Variants in MYCBP2 observed in about 807,000 individuals in gnomAD.
MYCBP2 encodes the protein MYC binding protein 2.
Under a neutral mutation model 525.3 loss-of-function variants are expected in MYCBP2, and 120 were observed. The observed-to-expected ratio is 0.23, with a 90% CI of 0.20 to 0.27. The LOEUF is 0.27. MYCBP2 is among the 10% of genes least tolerant of loss of function. The probability of loss-of-function intolerance (pLI) is 1.00; values close to 1 mark genes in which losing one functional copy is unlikely to be tolerated. For missense variants in MYCBP2, 4,149 were observed against 5,657.1 expected (o/e 0.73, Z 8.55); for synonymous variants, 1,894 against 1,955.8 (o/e 0.97, Z 0.83).
In MYCBP2 at chr13:77,270,397, C is replaced by T; in HGVS notation, c.1087G>A (p.Glu363Lys). The change falls in exon 6 of 83, where the codon GAA (glutamate) becomes AAA (lysine). Residue 363 changes from glutamate (E) to lysine (K), a missense_variant. Coordinates refer to ENST00000544440, the MANE Select transcript of MYCBP2 (RefSeq NM_015057.5). ...KWPLKEISVD[E>K]DDQCLLQNDG... The stretch of plus-strand genomic sequence containing the variant: ...TTCTGAAGTAGACATTGGTCATCTT[C>T]ATCAACAGATATTTCTTTTAATGGC... 1 of 1,613,758 alleles carries T rather than the reference C, an allele frequency of 6.2e-7. No individual in the cohort carries two copies. The highest frequency in any genetic ancestry group is 1.7e-4 in the Middle Eastern group (1 of 6,056).
chr13:77,097,826 A>T lies in MYCBP2; in HGVS notation c.9328T>A (p.Ser3110Thr), dbSNP rs2046479340. 3 of 1,613,714 alleles carry T rather than the reference A, an allele frequency of 1.9e-6. No individual in the cohort carries two copies. Among genetic ancestry groups the T allele is most frequent in the Non-Finnish European group, 2.5e-6 (3 of 1,179,830 alleles). ...FNIAPHGPDI[S>T]KMGSINKNKV... ...TTTTTGTTGATGCTACCCATCTTAGATATATCTGGTCCATGGGGTGCAATA... is the reference window on the plus strand; with the variant it reads ...TTTTTGTTGATGCTACCCATCTTAGTTATATCTGGTCCATGGGGTGCAATA... Residue 3110 changes from serine (S) to threonine (T), a missense_variant, in exon 56 of 83, where the codon TCT becomes ACT. Physicochemically the swap from Ser to Thr is moderately conservative, Grantham distance 58. Transcript: ENST00000544440.
At position 77,313,609 on chromosome 13, in the gene MYCBP2, A is replaced by C. The variant is rs1266180868; in HGVS notation, c.302+12865T>G. On this transcript the variant is annotated intron_variant, in intron 1 of 82. Coordinates refer to ENST00000544440, the MANE Select transcript of MYCBP2 (RefSeq NM_015057.5). ...GTACAATCCATTAAAGAAATAATTA[A>C]TAAGCTGAATACTAAAATTAAAAAC... Among the ~76,000 whole-genome samples, 3 of 152,122 alleles carry C rather than the reference A, an allele frequency of 2.0e-5. No homozygotes were observed. The East Asian group carries it at 5.8e-4, about 29-fold the overall frequency.
intron 26 of MYCBP2, 50 bp from the exon 27 acceptor site, chr13:77,194,294 T>G: frequency 7.6e-7 from 1 of 1,312,916 alleles, no homozygotes; most frequent in Non-Finnish European, 1.1e-6. Context: ...TATACATATC[T>G]GATGAACAAT....
At chr13:77,290,403 C>T (rs1408888349) in intron 2 of MYCBP2, among the ~76,000 whole-genome samples, 6 of 152,186 alleles carry the variant, frequency 3.9e-5, no homozygotes, top group Admixed American at 3.9e-4. Flanking sequence ...CACACAAAAA[C>T]CAGTACACGA....
chr13:77,217,693 T>C (rs976634684), intron 21 of MYCBP2, 147 bp downstream of exon 21: 6 of 457,630 alleles, frequency 1.3e-5, no homozygotes, highest in African/African-American at 8.2e-5. Flanking sequence ...TTAGTGTGTG[T>C]TGGGGATGAA....
At position 77,185,026 on chromosome 13, in the gene MYCBP2, C is replaced by T. The variant is rs978059243; in HGVS notation, c.4719+77G>A. 13 of 1,294,142 alleles carry T rather than the reference C, an allele frequency of 1.0e-5. No homozygotes were observed. In the African/African-American group the frequency reaches 1.5e-4, roughly 15 times the overall value. 80.2% of individuals were successfully genotyped at this position (1,294,142 alleles called of 1,614,324 possible). ...TTTTATACAAGTTAAGAAGATATGG[C>T]AACTGCAATTTATTTTCTTGAAGAG... On this transcript the variant is annotated intron_variant, in intron 32 of 82. Coordinates refer to ENST00000544440, the MANE Select transcript of MYCBP2 (RefSeq NM_015057.5).
At chr13:77,313,950 G>A (rs1417413949) in intron 1 of MYCBP2, among the ~76,000 whole-genome samples, 4 of 151,336 alleles carry the variant, frequency 2.6e-5, no homozygotes, top group African/African-American at 7.3e-5. Context: ...AAAAAAAAAC[G>A]AGATTCTACT....
chr13:77,201,456 AC>A (rs2062542904), intron 26 of MYCBP2, among the ~76,000 whole-genome samples: 1 of 152,108 alleles, frequency 6.6e-6, no homozygotes, highest in Non-Finnish European at 1.5e-5. Context: ...AGACTTTAAC[AC>A]CCCACTGTCA....
At chr13:77,316,335 C>G (rs921522938) in intron 1 of MYCBP2, among the ~76,000 whole-genome samples, 2 of 152,138 alleles carry the variant, frequency 1.3e-5, no homozygotes, top group East Asian at 3.8e-4. Flanking sequence ...TAAAATGCCC[C>G]GATCAACCAG....
chr13:77,254,789 T>C (rs1186069718), intron 14 of MYCBP2, among the ~76,000 whole-genome samples: 1 of 151,922 alleles, frequency 6.6e-6, no homozygotes, highest in East Asian at 1.9e-4. Flanking sequence ...TCTCTGGTAA[T>C]CACTATTCTA....
chr13:77,137,998 T>C (rs1041928829), intron 52 of MYCBP2, among the ~76,000 whole-genome samples: 12 of 152,224 alleles, frequency 7.9e-5, no homozygotes, highest in African/African-American at 2.9e-4. Context: ...AAAATACACT[T>C]TCATAGAGGG....
chr13:77,066,376 C>G (rs574055360), intron 71 of MYCBP2, among the ~76,000 whole-genome samples: 1 of 152,174 alleles, frequency 6.6e-6, no homozygotes, highest in African/African-American at 2.4e-5. Flanking sequence ...AGGGCACATG[C>G]GGATAATGTG....
intron 62 of MYCBP2, among the ~76,000 whole-genome samples, chr13:77,086,855 ATTATAC>A (rs1170462610): frequency 6.6e-6 from 1 of 152,118 alleles, no homozygotes; most frequent in Non-Finnish European, 1.5e-5. Flanking sequence ...AAAAATATCA[ATTATAC>A]TTAGATTAGT....
Position 77,144,449 on chromosome 13 carries a change from T to A in MYCBP2, c.7299A>T (p.Glu2433Asp), listed in dbSNP as rs758054583. 3 of 1,607,120 alleles carry A rather than the reference T, an allele frequency of 1.9e-6. No individual in the cohort carries two copies. The highest frequency in any genetic ancestry group is 2.6e-6 in the Non-Finnish European group (3 of 1,173,936). Residue 2433 changes from glutamate (E) to aspartate (D), a missense_variant, in exon 49 of 83, where the codon GAA (glutamate) becomes GAT (aspartate). Transcript: ENST00000544440. ...YTLHVTIDGI[E>D]IDAGLEVKVK... ...TCATGGCTTTAAAGAAAATACCGAT[T>A]TCAATGCCATCAATGGTAACATGAA...
intron 53 of MYCBP2, 21 bp downstream of exon 53, chr13:77,126,297 T>G (rs559845283): frequency 9.4e-6 from 15 of 1,598,552 alleles, no homozygotes; most frequent in Non-Finnish European, 1.3e-5. Flanking sequence ...TTAGAAGTCA[T>G]GAAGCTACAA....
rs571022633 is a variant in MYCBP2, at chr13:77,185,959, T to G, written c.4356A>C (p.Thr1452=). 1 of 1,613,620 alleles carries G rather than the reference T, an allele frequency of 6.2e-7. No individual in the cohort carries two copies. Among genetic ancestry groups the G allele is most frequent in the South Asian group, 1.1e-5 (1 of 91,046 alleles). The change falls in exon 31 of 83, where the codon ACA becomes ACC. Residue 1452 remains threonine, a synonymous_variant. Coordinates refer to ENST00000544440, the MANE Select transcript of MYCBP2 (RefSeq NM_015057.5). ...RGLKGFQFTA[T]LLDLERLRFV... ...AGCGCAGTCTCTCTAAATCTAGGAGTGTAGCTGTGAACTGGAATCCTTTTA... is the reference window on the plus strand; with the variant it reads ...AGCGCAGTCTCTCTAAATCTAGGAGGGTAGCTGTGAACTGGAATCCTTTTA...
chr13:77,320,294 G>A lies in MYCBP2; in HGVS notation c.302+6180C>T, dbSNP rs560400314. On this transcript the variant is annotated intron_variant, in intron 1 of 82. Coordinates refer to ENST00000544440, the MANE Select transcript of MYCBP2 (RefSeq NM_015057.5). Reference sequence around the variant, plus strand: ...GCTAGGGGAACATGTGCCTGAAAGCGGGATCTGAAAGCCTAACCACAGCAC... The same window carrying A: ...GCTAGGGGAACATGTGCCTGAAAGCAGGATCTGAAAGCCTAACCACAGCAC... Among the ~76,000 whole-genome samples, 63 of 152,202 alleles carry A rather than the reference G, an allele frequency of 4.1e-4. No homozygotes were observed. In the South Asian group the frequency reaches 0.011, roughly 27 times the overall value.
At chr13:77,179,182 G>C (rs985571827) in intron 34 of MYCBP2, among the ~76,000 whole-genome samples, 2 of 151,918 alleles carry the variant, frequency 1.3e-5, no homozygotes, top group Non-Finnish European at 2.9e-5. Context: ...ATTCAGAATA[G>C]GTGTTAAAAT....
chr13:77,103,943 A>C (rs1010042936), intron 55 of MYCBP2, among the ~76,000 whole-genome samples: 11 of 152,142 alleles, frequency 7.2e-5, no homozygotes, highest in African/African-American at 2.7e-4. Context: ...CAAAGCAAAG[A>C]AAATTTATAA....
Sources: allele counts gnomAD v4.1 joint callset (sites outside exome capture counted in the v4.1 genomes callset), GRCh38; gene constraint gnomAD v4.1.1; transcripts MANE v1.5; gene names NCBI Gene and HGNC (gene_info 2026-07-23, HGNC 2026-07-21).